MED27: variants seen among roughly 807,000 people sequenced by gnomAD.
MED27 encodes mediator complex subunit 27.
MED27 carries 30 observed loss-of-function variants against 38.2 expected under a neutral mutation model. The ratio of observed to expected loss-of-function variants is 0.79; its 90% CI spans 0.59 to 1.07. The LOEUF (loss-of-function observed/expected upper bound fraction) is 1.07. Among genes scored for constraint, MED27 ranks in the 50% least tolerant of loss-of-function variants. The pLI, the probability that MED27 is intolerant of heterozygous loss-of-function variation, is 0.00. For synonymous variants in MED27, 122 were observed against 153.5 expected, an observed-to-expected ratio of 0.79 and a Z score of 1.52; for missense variants, 289 against 397.5, an observed-to-expected ratio of 0.73 and a Z score of 2.32.
chr9:131,953,667 T>A (rs1394084426), intron 3 of MED27, among the ~76,000 whole-genome samples: 3 of 152,086 alleles, frequency 2.0e-5, no homozygotes, highest in Non-Finnish European at 4.4e-5. Context: ...ATGGCAAAAA[T>A]TCTACAGTTG....
chr9:131,999,646 G>C (rs1832176930), intron 3 of MED27, among the ~76,000 whole-genome samples: 1 of 152,160 alleles, frequency 6.6e-6, no homozygotes, highest in Admixed American at 6.5e-5. Context: ...TGAATAAAAA[G>C]CATAGTGCCA....
chr9:132,017,730 TC>T (rs1832634363), intron 2 of MED27, among the ~76,000 whole-genome samples: 1 of 152,202 alleles, frequency 6.6e-6, no homozygotes, highest in Non-Finnish European at 1.5e-5. Context: ...AGTTACAATT[TC>T]ACTATCCATT....
chr9:132,072,264 G>A (rs1189206268), intron 2 of MED27, among the ~76,000 whole-genome samples: 5 of 151,986 alleles, frequency 3.3e-5, no homozygotes, highest in Admixed American at 2.0e-4. Flanking sequence ...CTCAATCTTC[G>A]CTTCAACCCT....
chr9:131,958,810 G>A (rs1036536582), intron 3 of MED27, among the ~76,000 whole-genome samples: 5 of 152,126 alleles, frequency 3.3e-5, no homozygotes, highest in South Asian at 2.1e-4. Flanking sequence ...GCCTGTGACC[G>A]GTCTTTACAG....
At chr9:132,073,818 G>A in intron 2 of MED27, 10 of 1,450,818 alleles carry the variant, frequency 6.9e-6, no homozygotes, top group African/African-American at 1.4e-5. Context: ...CATTTCCCAA[G>A]CCCAGTAAAA....
intron 4 of MED27, 23 bp downstream of exon 4, chr9:131,939,357 AC>A: frequency 1.3e-6 from 2 of 1,549,934 alleles, no homozygotes; most frequent in Non-Finnish European, 1.8e-6. Context: ...CAACATCCCT[AC>A]AAATCAGTCA....
At chr9:131,996,685 G>A (rs1014905886) in intron 3 of MED27, among the ~76,000 whole-genome samples, 2 of 152,156 alleles carry the variant, frequency 1.3e-5, no homozygotes, top group Admixed American at 6.6e-5. Context: ...ACATGAGTTT[G>A]AACCACACAG....
intron 3 of MED27, among the ~76,000 whole-genome samples, chr9:131,979,503 AAC>A (rs1304045240): frequency 5.5e-4 from 66 of 120,718 alleles, no homozygotes; most frequent in Admixed American, 2.7e-3. Context: ...AAAAAAAAAA[AAC>A]CCCACAATAA....
chr9:131,908,112 G>T (rs888910971), intron 4 of MED27, among the ~76,000 whole-genome samples: 2 of 145,362 alleles, frequency 1.4e-5, no homozygotes, highest in Non-Finnish European at 3.1e-5. Flanking sequence ...CAGCCACCCT[G>T]TCCGGGAGGG....
chr9:132,068,008 C>T (rs1368890762), intron 2 of MED27, among the ~76,000 whole-genome samples: 1 of 152,172 alleles, frequency 6.6e-6, no homozygotes, highest in African/African-American at 2.4e-5. Context: ...ATTATTCTCT[C>T]ACTTTTGTGC....
In MED27 at chr9:132,009,885, T is replaced by C. The variant is rs1832443690; in HGVS notation, c.479+4452A>G. On this transcript the variant is annotated intron_variant, in intron 3 of 7. Transcript: ENST00000292035. ...ACAAAAAGTTAGTTTATAGTTATGT[T>C]GTGCTTATAATAAAAATTTTGTTGA... Among the ~76,000 whole-genome samples the C allele has an allele frequency of 2.0e-5, 3 of 152,242 alleles. No individual in the cohort carries two copies. The South Asian group carries it at 6.2e-4, about 31-fold the overall frequency.
At chr9:131,945,324 A>G (rs1160628514) in intron 3 of MED27, among the ~76,000 whole-genome samples, 1 of 151,876 alleles carries the variant, frequency 6.6e-6, no homozygotes, top group Non-Finnish European at 1.5e-5. Context: ...TAAAGATTGT[A>G]TATATTTATC....
intron 2 of MED27, among the ~76,000 whole-genome samples, 166 bp downstream of exon 2, chr9:132,077,276 A>G (rs1834072961): frequency 6.6e-6 from 1 of 152,248 alleles, no homozygotes; most frequent in Admixed American, 6.5e-5. Flanking sequence ...ACTTCAAAGG[A>G]CTACAAAATA....
At chr9:132,038,554 A>T (rs1462000187) in intron 2 of MED27, among the ~76,000 whole-genome samples, 1 of 152,230 alleles carries the variant, frequency 6.6e-6, no homozygotes, top group Non-Finnish European at 1.5e-5. Flanking sequence ...ACTTCCCAGT[A>T]AGCACTCTTT....
In MED27 at chr9:131,878,040, C is replaced by T. The variant is rs559881942; in HGVS notation, c.723+6018G>A. Among the ~76,000 whole-genome samples, 6 of 152,040 alleles carry T rather than the reference C, an allele frequency of 3.9e-5. No homozygotes were observed. In the South Asian group the frequency reaches 8.3e-4, roughly 21 times the overall value. On this transcript the variant is annotated intron_variant, in intron 6 of 7. Transcript: ENST00000292035. ...CTATAATCCCAACACTTTGGGAGGC[C>T]GAGGCAGGTGGATTACCTGAGATCA...
intron 3 of MED27, among the ~76,000 whole-genome samples, chr9:131,984,681 G>A (rs984321242): frequency 1.3e-5 from 2 of 152,166 alleles, no homozygotes; most frequent in Non-Finnish European, 2.9e-5. Flanking sequence ...TAAGGAGAAA[G>A]TATTTAAATC....
chr9:132,040,426 A>G (rs1833181934), intron 2 of MED27, among the ~76,000 whole-genome samples: 1 of 152,150 alleles, frequency 6.6e-6, no homozygotes, highest in Non-Finnish European at 1.5e-5. Flanking sequence ...GGCCGTGGAG[A>G]GCGGCTGGCT....
chr9:132,024,077 G>A (rs538025531), intron 2 of MED27, among the ~76,000 whole-genome samples: 3 of 152,224 alleles, frequency 2.0e-5, no homozygotes, highest in Non-Finnish European at 4.4e-5. Context: ...CCAATGCACA[G>A]AAGATGGAGC....
At chr9:131,981,798 G>C (rs1304414878) in intron 3 of MED27, among the ~76,000 whole-genome samples, 1 of 152,192 alleles carries the variant, frequency 6.6e-6, no homozygotes, top group Non-Finnish European at 1.5e-5. Flanking sequence ...CGGCGGCCAA[G>C]GAGGCAACGC....
Sources: allele counts gnomAD v4.1 joint callset (sites outside exome capture counted in the v4.1 genomes callset), GRCh38; gene constraint gnomAD v4.1.1; transcripts MANE v1.5; gene names NCBI Gene and HGNC (gene_info 2026-07-23, HGNC 2026-07-21).